Variants in FAAP20 observed in about 807,000 individuals in gnomAD.
FAAP20 encodes Fanconi anemia core complex-associated protein 20.
FAAP20 carries 12 observed loss-of-function variants against 16.2 expected under a neutral mutation model. That is an observed-to-expected ratio of 0.74 (90% CI 0.48 to 1.20). The LOEUF is 1.20. Ranked by LOEUF, FAAP20 falls within the 50% of genes most tolerant of loss-of-function variation. The probability of loss-of-function intolerance (pLI) is 0.00; values close to 1 mark genes in which losing one functional copy is unlikely to be tolerated. For synonymous variants in FAAP20, 141 were observed against 110.7 expected, an observed-to-expected ratio of 1.27 and a Z score of -1.72; for missense variants, 288 against 245.8, an observed-to-expected ratio of 1.17 and a Z score of -1.15.
In FAAP20 at chr1:2,189,591, A is replaced by C. The variant is rs963509103; in HGVS notation, c.*118T>G. The C allele has an allele frequency of 1.2e-5, 10 of 812,834 alleles. No individual in the cohort carries two copies. Among genetic ancestry groups the C allele is most frequent in the Non-Finnish European group, 1.9e-5 (9 of 470,996 alleles). The allele number at this position is 812,834 out of a possible 1,614,324, so 50.4% of individuals were successfully genotyped here. On this transcript the variant is annotated 3_prime_UTR_variant, in exon 4 of 4. Transcript: ENST00000378546. ...ACAGACAGGAGCCCGCCCTGCTTTA[A>C]TGCGCATGCGGGGGAGCCGAGAGGC...
upstream of FAAP20, among the ~76,000 whole-genome samples, chr1:2,202,082 A>G (rs1009767830): frequency 6.6e-6 from 1 of 152,050 alleles, no homozygotes; most frequent in Non-Finnish European, 1.5e-5. Flanking sequence ...TGGCCCAAAA[A>G]TGGGCCTGAT....
chr1:2,196,939 C>T (rs940254019), upstream of FAAP20, among the ~76,000 whole-genome samples: 12 of 152,310 alleles, frequency 7.9e-5, no homozygotes, highest in African/African-American at 2.9e-4. This position sits in a 1 kb window ranked among gnomAD's most constrained non-coding sequence, Gnocchi z 4.5. Flanking sequence ...CTTGCTCCTT[C>T]CTCTCCCTTC....
intron 3 of FAAP20, among the ~76,000 whole-genome samples, chr1:2,205,414 G>A (rs567457861): frequency 1.2e-4 from 18 of 150,218 alleles, no homozygotes; most frequent in African/African-American, 3.2e-4. Context: ...CCCGCGAGGG[G>A]AGCCTGTCCC....
downstream of FAAP20, chr1:2,186,185 C>T (rs1687563923): frequency 7.5e-6 from 3 of 401,704 alleles, no homozygotes; most frequent in South Asian, 5.3e-5. Context: ...GCCCTCTTGG[C>T]CAGGCGCAGA....
intron 3 of FAAP20, chr1:2,193,142 G>A (rs72925890): frequency 0.018 from 9,023 of 513,928 alleles, 666 homozygotes; most frequent in African/African-American, 0.16. Flanking sequence ...CAGACACAAG[G>A]CCAGGCACTG....
chr1:2,200,797 G>T (rs558884876), upstream of FAAP20: 115 of 1,011,064 alleles, frequency 1.1e-4, 2 homozygotes, highest in South Asian at 3.6e-3. Flanking sequence ...TCCCCCATGG[G>T]CCAAGAGCTG....
chr1:2,186,493 C>A (rs1687609662), downstream of FAAP20, among the ~76,000 whole-genome samples: 1 of 113,616 alleles, frequency 8.8e-6, no homozygotes, highest in Middle Eastern at 4.0e-3. Context: ...ACCCTGGACA[C>A]CCGCCCCCCC....
chr1:2,193,813 C>A lies in FAAP20; in HGVS notation c.296G>T (p.Arg99Leu). The A allele has an allele frequency of 6.2e-7, 1 of 1,607,034 alleles. No individual in the cohort carries two copies. The highest frequency in any genetic ancestry group is 8.5e-7 in the Non-Finnish European group (1 of 1,178,322). ...TGCCCCGTGAAGCAGCCGGTAGGAA[C>A]GGCCCGGGCCCCACAGGTCCGGCGG... is the stretch of plus-strand genomic sequence containing the variant. ...PFPPDLWGPG[R>L]SYRLLHGAGG... The change falls in exon 3 of 4, where the codon CGT (arginine) becomes CTT (leucine). Residue 99 changes from arginine to leucine, a missense_variant. By Grantham distance (102) the Arg-to-Leu change is moderately radical (BLOSUM62 -2). Transcript: ENST00000378546.
At chr1:2,204,299 G>A (rs1045166760), upstream of FAAP20, among the ~76,000 whole-genome samples, 1 of 152,256 alleles carries the variant, frequency 6.6e-6, no homozygotes, top group Admixed American at 6.5e-5. Flanking sequence ...CTGCCGTCCT[G>A]GCACATCCTG....
downstream of FAAP20, among the ~76,000 whole-genome samples, chr1:2,210,203 G>A (rs1377439087): frequency 1.3e-5 from 2 of 152,238 alleles, no homozygotes; most frequent in African/African-American, 2.4e-5. Context: ...AGACAGAGGC[G>A]AGTTGGGACT....
chr1:2,192,817 C>T (rs1368497321), intron 3 of FAAP20: 1 of 1,193,158 alleles, frequency 8.4e-7, no homozygotes, highest in African/African-American at 1.6e-5. Context: ...CCAGGCTGGT[C>T]TCAAACTCCT....
upstream of FAAP20, chr1:2,199,030 C>G (rs187609592): frequency 8.1e-7 from 1 of 1,241,888 alleles, no homozygotes; most frequent in East Asian, 5.7e-5. This position sits in a 1 kb window ranked among gnomAD's most constrained non-coding sequence, Gnocchi z 4.5. Flanking sequence ...CCTTGGGCAC[C>G]GACAGCCTCC....
chr1:2,185,901 G>T, downstream of FAAP20: 1 of 348,992 alleles, frequency 2.9e-6, no homozygotes, highest in South Asian at 2.4e-5. Context: ...CAGCCTTAAA[G>T]TTGAACGTGA....
At chr1:2,197,986 G>A (rs775926810), upstream of FAAP20, 24 of 1,282,250 alleles carry the variant, frequency 1.9e-5, no homozygotes, top group Non-Finnish European at 2.4e-5. Context: ...AAGGAAGCAT[G>A]TTCACCTCCA....
At chr1:2,199,242 T>C, upstream of FAAP20, 1 of 1,151,520 alleles carries the variant, frequency 8.7e-7, no homozygotes, top group Admixed American at 4.3e-5. The surrounding 1 kb of genome is among the most constrained non-coding windows in gnomAD (Gnocchi z 4.5). Context: ...CCAGCACCCC[T>C]TCAAGCAGTA....
At chr1:2,208,875 C>A (rs923789582), downstream of FAAP20, among the ~76,000 whole-genome samples, 5 of 152,196 alleles carry the variant, frequency 3.3e-5, no homozygotes, top group African/African-American at 1.2e-4. Context: ...TGTTTTGAAT[C>A]GATTCCGCTT....
chr1:2,202,030 A>G (rs868050147), upstream of FAAP20, among the ~76,000 whole-genome samples: 51 of 151,860 alleles, frequency 3.4e-4, no homozygotes, highest in African/African-American at 9.6e-4. Context: ...AAAAAAAAAA[A>G]AAGAAGAAGA....
upstream of FAAP20, among the ~76,000 whole-genome samples, chr1:2,204,659 CT>C (rs1569586071): frequency 6.6e-6 from 1 of 152,254 alleles, no homozygotes; most frequent in East Asian, 1.9e-4. Context: ...CCCACTGCCC[CT>C]GACCCCACTG....
In FAAP20 at chr1:2,199,873, T is replaced by A. The variant is rs1315340703; in HGVS notation, n.35A>T. On this transcript the variant is annotated non_coding_transcript_exon_variant, in exon 1 of 4. Transcript: ENST00000401813. This position sits in a 1 kb window ranked among gnomAD's most constrained non-coding sequence, Gnocchi z 4.5. ...CGGGCAGATCACTTGAGGTCAGGAG[T>A]TCTAGACCAGCCTGGCCAACATAGT... The A allele has an allele frequency of 1.9e-5, 3 of 155,242 alleles. No homozygotes were observed. Among genetic ancestry groups the A allele is most frequent in the African/African-American group, 7.3e-5 (3 of 41,080 alleles). 9.6% of individuals were successfully genotyped at this position (155,242 alleles called of 1,614,324 possible).
Sources: allele counts gnomAD v4.1 joint callset (sites outside exome capture counted in the v4.1 genomes callset), GRCh38; gene constraint gnomAD v4.1.1; non-coding constraint Gnocchi (gnomAD v3.1); transcripts MANE v1.5; gene names NCBI Gene and HGNC (gene_info 2026-07-23, HGNC 2026-07-21).